Variants in HECW1 observed in about 807,000 individuals in gnomAD.
The protein encoded by HECW1 is HECT, C2 and WW domain containing E3 ubiquitin protein ligase 1, also known as E3 ubiquitin-protein ligase HECW1.
HECW1 carries 61 observed loss-of-function variants against 182.3 expected under a neutral mutation model. That is an observed-to-expected ratio of 0.33 (90% CI 0.27 to 0.41). HECW1 has a LOEUF of 0.41. HECW1 is among the 10% of genes least tolerant of loss of function. The pLI, the probability that HECW1 is intolerant of heterozygous loss-of-function variation, is 1.00. For synonymous variants in HECW1, 859 were observed against 832.6 expected (o/e 1.03, Z -0.55); for missense variants, 1,739 against 2,108.9 (o/e 0.82, Z 3.44).
At chr7:43,179,004 G>C (rs1452039529) in intron 2 of HECW1, among the ~76,000 whole-genome samples, 1 of 152,162 alleles carries the variant, frequency 6.6e-6, no homozygotes, top group Admixed American at 6.6e-5. Context: ...AGAGAAAAAA[G>C]CCTTGGAGAA....
chr7:43,514,567 G>A (rs751956648), intron 24 of HECW1, among the ~76,000 whole-genome samples: 14 of 152,124 alleles, frequency 9.2e-5, no homozygotes, highest in Non-Finnish European at 2.1e-4. Flanking sequence ...GGGATTACAG[G>A]CGTGAGCCAA....
At chr7:43,376,741 C>T (rs1192539366) in intron 6 of HECW1, among the ~76,000 whole-genome samples, 2 of 152,036 alleles carry the variant, frequency 1.3e-5, no homozygotes, top group Non-Finnish European at 2.9e-5. Context: ...TGGCAGGCGT[C>T]TGTAATCCCA....
intron 17 of HECW1, among the ~76,000 whole-genome samples, chr7:43,483,429 A>G (rs2078507497): frequency 6.6e-6 from 1 of 151,976 alleles, no homozygotes; most frequent in Admixed American, 6.6e-5. Context: ...AGATGGTAGC[A>G]TTACCCCAGT....
At chr7:43,183,957 C>T (rs1282668443) in intron 2 of HECW1, among the ~76,000 whole-genome samples, 7 of 141,538 alleles carry the variant, frequency 4.9e-5, no homozygotes, top group Non-Finnish European at 9.5e-5. Context: ...TAAGACTACA[C>T]AATTTAAAAA....
chr7:43,343,224 T>A (rs1274726285), intron 5 of HECW1, among the ~76,000 whole-genome samples: 4 of 151,288 alleles, frequency 2.6e-5, no homozygotes, highest in Non-Finnish European at 4.4e-5. Flanking sequence ...GATGTTCAGA[T>A]ATTCACGGTG....
intron 14 of HECW1, among the ~76,000 whole-genome samples, chr7:43,466,000 G>A (rs1388251084): frequency 8.7e-6 from 1 of 114,890 alleles, no homozygotes; most frequent in African/African-American, 3.4e-5. Flanking sequence ...AAGGAAGGAA[G>A]GGGGGAGGAG....
chr7:43,468,778 T>C, intron 15 of HECW1, 142 bp from the exon 16 acceptor site: 3 of 708,698 alleles, frequency 4.2e-6, no homozygotes, highest in South Asian at 4.0e-5. Context: ...CAAGAGCTCA[T>C]TTTCTGAGGC....
intron 7 of HECW1, among the ~76,000 whole-genome samples, chr7:43,402,569 A>G (rs568645711): frequency 2.0e-5 from 3 of 152,208 alleles, no homozygotes; most frequent in Non-Finnish European, 4.4e-5. Flanking sequence ...AAACACTACC[A>G]CACTTACACC....
chr7:43,474,406 G>A (rs144109092), intron 16 of HECW1, among the ~76,000 whole-genome samples: 63 of 152,186 alleles, frequency 4.1e-4, no homozygotes, highest in African/African-American at 1.3e-3. Flanking sequence ...CCGAGATGGC[G>A]CCACTGCACT....
chr7:43,304,495 T>C (rs1807291446), intron 3 of HECW1, among the ~76,000 whole-genome samples: 1 of 151,616 alleles, frequency 6.6e-6, no homozygotes, highest in African/African-American at 2.4e-5. Context: ...TATTTATTTA[T>C]TTATTTATTT....
At chr7:43,361,878 C>T (rs1013438529) in intron 6 of HECW1, among the ~76,000 whole-genome samples, 1 of 138,502 alleles carries the variant, frequency 7.2e-6, no homozygotes, top group South Asian at 2.3e-4. Context: ...CAGTGGCTCA[C>T]GCCTGTAATC....
intron 3 of HECW1, among the ~76,000 whole-genome samples, chr7:43,307,560 C>G (rs1032007710): frequency 7.2e-5 from 11 of 152,006 alleles, no homozygotes; most frequent in Admixed American, 7.2e-4. Flanking sequence ...GCCTTTTATC[C>G]AGGGCTATTT....
At chr7:43,302,112 T>C (rs1806888120) in intron 3 of HECW1, among the ~76,000 whole-genome samples, 1 of 152,136 alleles carries the variant, frequency 6.6e-6, no homozygotes, top group South Asian at 2.1e-4. Context: ...AGAACTGTAA[T>C]CCCTGTCTGG....
At chr7:43,346,275 T>C (rs1584563572) in intron 5 of HECW1, among the ~76,000 whole-genome samples, 1 of 152,356 alleles carries the variant, frequency 6.6e-6, no homozygotes, top group East Asian at 1.9e-4. Flanking sequence ...CATATGTTTG[T>C]TGGCCATTTG....
At chr7:43,540,134 G>A (rs1267383326) in intron 24 of HECW1, among the ~76,000 whole-genome samples, 1 of 152,160 alleles carries the variant, frequency 6.6e-6, no homozygotes, top group Non-Finnish European at 1.5e-5. Flanking sequence ...TGTGGAATCA[G>A]ATAATCTATT....
At chr7:43,133,541 A>ATT (rs1427373678) in intron 2 of HECW1, among the ~76,000 whole-genome samples, 1 of 151,294 alleles carries the variant, frequency 6.6e-6, no homozygotes, top group Admixed American at 6.6e-5. Context: ...GTTTTTGACC[A>ATT]TTTTTCTTTT....
chr7:43,176,037 A>G (rs1290763216), intron 2 of HECW1, among the ~76,000 whole-genome samples: 1 of 152,170 alleles, frequency 6.6e-6, no homozygotes, highest in Admixed American at 6.5e-5. Flanking sequence ...TTCTCAGCAA[A>G]ATGTTTACCT....
intron 8 of HECW1, among the ~76,000 whole-genome samples, chr7:43,412,051 T>C (rs1002972088): frequency 6.6e-6 from 1 of 152,210 alleles, no homozygotes; most frequent in Non-Finnish European, 1.5e-5. Flanking sequence ...TTTGGATTAT[T>C]TGAATATATT....
intron 17 of HECW1, among the ~76,000 whole-genome samples, chr7:43,485,410 A>G (rs2078591755): frequency 6.6e-6 from 1 of 152,244 alleles, no homozygotes; most frequent in Non-Finnish European, 1.5e-5. Context: ...ACACCTTTGA[A>G]AATAAACTGT....
Sources: allele counts gnomAD v4.1 joint callset (sites outside exome capture counted in the v4.1 genomes callset), GRCh38; gene constraint gnomAD v4.1.1; transcripts MANE v1.5; gene names NCBI Gene and HGNC (gene_info 2026-07-23, HGNC 2026-07-21).